Variants in GTF2IRD1 observed in about 807,000 individuals in gnomAD.
GTF2IRD1 encodes the protein GTF2I repeat domain containing 1, also known as general transcription factor II-I repeat domain-containing protein 1.
Under a neutral mutation model 113.2 loss-of-function variants are expected in GTF2IRD1, and 26 were observed. The observed-to-expected ratio is 0.23, with a 90% CI of 0.17 to 0.32. The LOEUF (loss-of-function observed/expected upper bound fraction) is 0.32, where lower values mean the gene tolerates loss of function less well. Ranked by LOEUF, GTF2IRD1 falls within the 10% of genes least tolerant of loss-of-function variation. GTF2IRD1 has a pLI of 1.00. For synonymous variants in GTF2IRD1, 484 were observed against 529.1 expected (o/e 0.91, Z 1.17); for missense variants, 864 against 1,280.8 (o/e 0.67, Z 4.97).
rs182483620 is a variant in GTF2IRD1, at chr7:74,540,090, C to T, written c.1618+122C>T. On this transcript the variant is annotated intron_variant, in intron 14 of 26. Coordinates refer to ENST00000424337, the MANE Select transcript of GTF2IRD1 (RefSeq NM_005685.4). ...GTCAGCCGTCTGTAGTAGAGGAAAC[C>T]CAATATATGCCTGACCCTAATCCAA... 1,938 of 652,862 alleles carry T rather than the reference C, an allele frequency of 3.0e-3. 31 individuals carry two copies. Among genetic ancestry groups the T allele is most frequent in the Non-Finnish European group, 1.2e-3 (434 of 364,456 alleles). The allele number at this position is 652,862 out of a possible 1,614,324, so 40.4% of individuals were successfully genotyped here. A position where few individuals can be genotyped will look rare whatever the true frequency, so the allele number is the denominator to read the frequency against.
At position 74,512,916 on chromosome 7, in the gene GTF2IRD1, G is replaced by A; in HGVS notation, c.210G>A (p.Gly70=). 1 of 1,614,142 alleles carries A rather than the reference G, an allele frequency of 6.2e-7. No individual in the cohort carries two copies. The highest frequency in any genetic ancestry group is 1.3e-5 in the African/African-American group (1 of 75,058). The change falls in exon 3 of 27, where the codon GGG becomes GGA. Residue 70 remains glycine (G), a synonymous_variant. Coordinates refer to ENST00000424337, the MANE Select transcript of GTF2IRD1 (RefSeq NM_005685.4). This position sits in a 1 kb window ranked among gnomAD's most constrained non-coding sequence, Gnocchi z 4.4. ...ESAFVVGTEK[G]RMFLNARKEL... ...CCTTTGTGGTGGGCACAGAGAAGGG[G>A]AGAATGTTCCTGAATGCCCGGAAGG...
intron 1 of GTF2IRD1, among the ~76,000 whole-genome samples, chr7:74,467,193 C>G (rs1203830498): frequency 6.6e-6 from 1 of 152,108 alleles, no homozygotes; most frequent in African/African-American, 2.4e-5. Flanking sequence ...AAGTGATCCA[C>G]CCGCCTCAGC....
At chr7:74,502,766 C>G (rs1265117800) in intron 1 of GTF2IRD1, among the ~76,000 whole-genome samples, 1 of 152,190 alleles carries the variant, frequency 6.6e-6, no homozygotes, top group Non-Finnish European at 1.5e-5. Flanking sequence ...AGGTGGCAGG[C>G]AGGCAGGGAA....
At chr7:74,488,581 G>A (rs1554336030) in intron 1 of GTF2IRD1, among the ~76,000 whole-genome samples, 1 of 151,046 alleles carries the variant, frequency 6.6e-6, no homozygotes, top group Non-Finnish European at 1.5e-5. Context: ...AACATAGTGA[G>A]ACCCTGTCTC....
At chr7:74,526,354 C>A (rs1797595024) in intron 8 of GTF2IRD1, among the ~76,000 whole-genome samples, 1 of 152,166 alleles carries the variant, frequency 6.6e-6, no homozygotes. Context: ...GTACTGGGGA[C>A]CCCACGGGTG....
rs781908698 is a variant in GTF2IRD1 at position 74,588,106 on chromosome 7, C to CTTTTTT, written c.2321-1732_2321-1727dup. On this transcript the variant is annotated intron_variant, in intron 22 of 26. Transcript: ENST00000424337. ...TCTTTTTCTTTTTTTCTTTTCTTTT[C>CTTTTTT]TTTTTTTTTTTTTTTTTTGAGACGG... Among the ~76,000 whole-genome samples the CTTTTTT allele has an allele frequency of 3.3e-4, 45 of 134,994 alleles. 1 individual carries two copies. Among genetic ancestry groups the CTTTTTT allele is most frequent in the Non-Finnish European group, 3.5e-4 (22 of 62,274 alleles). The allele number at this position is 134,994 out of a possible 152,430, so 88.6% of individuals were successfully genotyped here. A position where few individuals can be genotyped will look rare whatever the true frequency, so the allele number is the denominator to read the frequency against.
chr7:74,473,224 A>C (rs1794207541), intron 1 of GTF2IRD1, among the ~76,000 whole-genome samples: 1 of 152,180 alleles, frequency 6.6e-6, no homozygotes, highest in Admixed American at 6.5e-5. Context: ...GAGCTTCCTA[A>C]GGGAAGGACC....
At chr7:74,562,569 T>C in intron 22 of GTF2IRD1, among the ~76,000 whole-genome samples, 1 of 138,504 alleles carries the variant, frequency 7.2e-6, no homozygotes, top group Non-Finnish European at 1.6e-5. Flanking sequence ...TTTTTTTTTT[T>C]TTTTTTTTTT....
intron 22 of GTF2IRD1, chr7:74,571,205 T>C (rs1800675717): frequency 1.1e-5 from 8 of 717,482 alleles, no homozygotes; most frequent in Non-Finnish European, 1.4e-5. Context: ...TGGGCCTCAG[T>C]TTCCCTACTT....
At position 74,521,226 on chromosome 7, in the gene GTF2IRD1, C is replaced by G; in HGVS notation, c.935C>G (p.Pro312Arg). The change falls in exon 7 of 27, where the codon CCT (proline) becomes CGT (arginine). Residue 312 changes from proline to arginine, a missense_variant. Transcript: ENST00000424337. The stretch of plus-strand genomic sequence containing the variant: ...TGTCCAGGACAGAAGCCCACTGGGC[C>G]TGGTGGGCCTCTCATCCAGAACGTC... ...SDCCGQKPTG[P>R]GGPLIQNVHA... The G allele has an allele frequency of 1.2e-6, 2 of 1,606,122 alleles. No individual in the cohort carries two copies. The highest frequency in any genetic ancestry group is 2.2e-5 in the South Asian group (2 of 90,908).
Position 74,555,458 on chromosome 7 carries a change from C to T in GTF2IRD1, c.1987C>T (p.Leu663=). ...DSQERDSGDP[L]VDESLKRQGF... ...CCCAGAGAGGGATTCCGGGGACCCT[C>T]TGGTGGACGAGAGCCTGAAGAGACA... Residue 663 remains leucine (L), a synonymous_variant, in exon 19 of 27, where the codon CTG becomes TTG. Coordinates refer to ENST00000424337, the MANE Select transcript of GTF2IRD1 (RefSeq NM_005685.4). The surrounding 1 kb of genome is among the most constrained non-coding windows in gnomAD (Gnocchi z 5.3). 1.9e-6 allele frequency: 3 copies of T among 1,613,504 alleles called. No homozygotes were observed. The highest frequency in any genetic ancestry group is 2.2e-5 in the South Asian group (2 of 91,076).
chr7:74,576,949 C>T (rs1430370734), intron 22 of GTF2IRD1, among the ~76,000 whole-genome samples: 5 of 152,000 alleles, frequency 3.3e-5, no homozygotes, highest in African/African-American at 1.2e-4. Flanking sequence ...ATGAATGAAT[C>T]CATGCAAAGA....
chr7:74,493,926 C>A (rs2129650611), intron 1 of GTF2IRD1, among the ~76,000 whole-genome samples: 1 of 152,138 alleles, frequency 6.6e-6, no homozygotes, highest in Admixed American at 6.6e-5. Context: ...GCCATATTAC[C>A]CAGGCTGGTC....
chr7:74,574,455 A>ATTT (rs369245593), intron 22 of GTF2IRD1, among the ~76,000 whole-genome samples: 4 of 128,218 alleles, frequency 3.1e-5, no homozygotes, highest in African/African-American at 5.8e-5. Flanking sequence ...AGATACTGGA[A>ATTT]TTTTTTTTTT....
chr7:74,480,790 TG>T (rs1303712670), intron 1 of GTF2IRD1, among the ~76,000 whole-genome samples: 1 of 152,020 alleles, frequency 6.6e-6, no homozygotes, highest in Non-Finnish European at 1.5e-5. Context: ...GGGAGAGAAA[TG>T]GAGAAACCTG....
chr7:74,460,761 A>C (rs190425752), intron 1 of GTF2IRD1, among the ~76,000 whole-genome samples: 195 of 152,294 alleles, frequency 1.3e-3, no homozygotes, highest in African/African-American at 3.6e-3. Flanking sequence ...TTATACACCA[A>C]GTAAGATTTT....
At chr7:74,481,312 G>A (rs1456709927) in intron 1 of GTF2IRD1, among the ~76,000 whole-genome samples, 1 of 151,982 alleles carries the variant, frequency 6.6e-6, no homozygotes, top group East Asian at 1.9e-4. Context: ...GTGCCACCAC[G>A]CCCGGCTCAT....
intron 8 of GTF2IRD1, 61 bp from the exon 9 acceptor site, chr7:74,529,673 G>A (rs1015254223): frequency 1.0e-5 from 15 of 1,483,136 alleles, no homozygotes; most frequent in South Asian, 3.6e-5. Flanking sequence ...CGCAGCTCCC[G>A]GGTCCTGTGT....
At chr7:74,590,803 T>C (rs587758380) in intron 23 of GTF2IRD1, 22 bp from the exon 24 acceptor site, 2 of 1,537,672 alleles carry the variant, frequency 1.3e-6, no homozygotes, top group South Asian at 2.4e-5. Flanking sequence ...CTTTCCTCAC[T>C]GTGACTTCCT....
Sources: allele counts gnomAD v4.1 joint callset (sites outside exome capture counted in the v4.1 genomes callset), GRCh38; gene constraint gnomAD v4.1.1; non-coding constraint Gnocchi (gnomAD v3.1); transcripts MANE v1.5; gene names NCBI Gene and HGNC (gene_info 2026-07-23, HGNC 2026-07-21).